RAB27A: variants seen among roughly 807,000 people sequenced by gnomAD.
The protein encoded by RAB27A is ras-related protein Rab-27A.
A neutral mutation model predicts 20.8 loss-of-function variants in RAB27A; 17 were observed. The ratio of observed to expected loss-of-function variants is 0.82; its 90% CI spans 0.56 to 1.23. RAB27A has a LOEUF of 1.23. Ranked by LOEUF, RAB27A falls within the 50% of genes most tolerant of loss-of-function variation. The pLI, the probability that RAB27A is intolerant of heterozygous loss-of-function variation, is 0.00. For missense variants in RAB27A, 277 were observed against 266.7 expected, an observed-to-expected ratio of 1.04 and a Z score of -0.27; for synonymous variants, 85 against 92.8, an observed-to-expected ratio of 0.92 and a Z score of 0.48.
intron 2 of RAB27A, among the ~76,000 whole-genome samples, chr15:55,254,428 G>GT (rs1313991217): frequency 6.6e-6 from 1 of 151,842 alleles, no homozygotes; most frequent in Non-Finnish European, 1.5e-5. Context: ...AGAAATAAAA[G>GT]TTTTTTATTT....
upstream of RAB27A, among the ~76,000 whole-genome samples, chr15:55,294,677 A>C (rs141459081): frequency 2.9e-4 from 44 of 152,116 alleles, no homozygotes; most frequent in African/African-American, 1.0e-3. Context: ...ATACACAAAA[A>C]TTAACTCAAA....
chr15:55,249,160 C>T (rs972582323), intron 2 of RAB27A: 1 of 152,164 alleles, frequency 6.6e-6, no homozygotes, highest in African/African-American at 2.4e-5. Context: ...TCTAACTCAG[C>T]CTGTCAGATT....
intron 5 of RAB27A, among the ~76,000 whole-genome samples, chr15:55,228,257 A>G (rs906816598): frequency 1.1e-4 from 17 of 152,196 alleles, no homozygotes; most frequent in African/African-American, 3.6e-4. Flanking sequence ...TTGATAGCAT[A>G]CAATAGACAA....
At chr15:55,243,094 A>C (rs1368910967) in intron 2 of RAB27A, among the ~76,000 whole-genome samples, 1 of 152,186 alleles carries the variant, frequency 6.6e-6, no homozygotes, top group Non-Finnish European at 1.5e-5. Context: ...TTCTGTGCTC[A>C]GAGTCCCTCT....
intron 1 of RAB27A, among the ~76,000 whole-genome samples, chr15:55,278,996 G>A (rs549040161): frequency 2.9e-4 from 44 of 152,264 alleles, no homozygotes; most frequent in Non-Finnish European, 5.6e-4. Context: ...CAGCCTGAAG[G>A]AAATTGCTCA....
intron 2 of RAB27A, among the ~76,000 whole-genome samples, chr15:55,253,820 C>G (rs1244510056): frequency 1.3e-5 from 2 of 151,186 alleles, no homozygotes; most frequent in Non-Finnish European, 2.9e-5. Context: ...AGCAAAGAGA[C>G]TATGAATCAG....
chr15:55,278,486 T>A (rs200491941), intron 1 of RAB27A, among the ~76,000 whole-genome samples: 48,509 of 145,356 alleles, frequency 0.33, 11,276 homozygotes, highest in East Asian at 0.67. Context: ...ATTATTATTT[T>A]TTTTTTTTTT....
intron 1 of RAB27A, among the ~76,000 whole-genome samples, chr15:55,314,721 C>G (rs1392367387): frequency 2.0e-5 from 3 of 152,096 alleles, no homozygotes; most frequent in Non-Finnish European, 4.4e-5. Context: ...TGTGAAGGAC[C>G]TCTTCAAGGA....
At chr15:55,300,368 C>G (rs2141141951) in intron 2 of RAB27A, among the ~76,000 whole-genome samples, 1 of 152,116 alleles carries the variant, frequency 6.6e-6, no homozygotes, top group East Asian at 1.9e-4. Context: ...ATACGGTATT[C>G]TGAAAGGAAA....
chr15:55,300,408 C>A (rs1022776915), intron 2 of RAB27A, among the ~76,000 whole-genome samples: 35 of 152,084 alleles, frequency 2.3e-4, no homozygotes. Flanking sequence ...GGCCAGGCTT[C>A]ATGGCTCACA....
At chr15:55,289,232 G>C (rs969205028) in intron 1 of RAB27A, 1 of 152,406 alleles carries the variant, frequency 6.6e-6, no homozygotes, top group Non-Finnish European at 1.5e-5. Context: ...CGGAGGGCCT[G>C]GCTGCCAGGT....
chr15:55,226,314 C>T (rs1350529022), intron 5 of RAB27A, among the ~76,000 whole-genome samples: 1 of 152,082 alleles, frequency 6.6e-6, no homozygotes, highest in Non-Finnish European at 1.5e-5. Context: ...CTGAGTGGGG[C>T]TTACTTTAGA....
intron 5 of RAB27A, 73 bp downstream of exon 5, chr15:55,228,536 G>A: frequency 8.8e-7 from 1 of 1,140,912 alleles, no homozygotes; most frequent in Non-Finnish European, 1.3e-6. Context: ...TGTCACAGAA[G>A]TAGAGCATAA....
chr15:55,253,785 AAC>A (rs1476281448), intron 2 of RAB27A, among the ~76,000 whole-genome samples: 1 of 152,154 alleles, frequency 6.6e-6, no homozygotes, highest in Non-Finnish European at 1.5e-5. Context: ...CAGATTTACT[AAC>A]ACAGAAATAA....
chr15:55,246,420 C>T (rs1595712054), intron 2 of RAB27A, among the ~76,000 whole-genome samples: 2 of 149,526 alleles, frequency 1.3e-5, no homozygotes, highest in South Asian at 2.1e-4. Context: ...GAGATATCGG[C>T]TTTTTTTTTT....
At chr15:55,294,734 G>A (rs2054940602), upstream of RAB27A, among the ~76,000 whole-genome samples, 3 of 151,396 alleles carry the variant, frequency 2.0e-5, no homozygotes, top group Admixed American at 6.6e-5. Context: ...AAAACTTTTA[G>A]AGGAAAACAT....
chr15:55,222,066 C>A (rs369415192), intron 6 of RAB27A, among the ~76,000 whole-genome samples: 40 of 152,322 alleles, frequency 2.6e-4, no homozygotes, highest in Non-Finnish European at 2.5e-4. Flanking sequence ...ATTGCATATG[C>A]TCAAATTCCT....
At chr15:55,262,804 C>T (rs181430012) in intron 2 of RAB27A, among the ~76,000 whole-genome samples, 1 of 152,098 alleles carries the variant, frequency 6.6e-6, no homozygotes, top group African/African-American at 2.4e-5. Flanking sequence ...ACCCACCTGC[C>T]TCAGCCTTCT....
At chr15:55,273,723 A>G (rs1228781843) in intron 1 of RAB27A, among the ~76,000 whole-genome samples, 1 of 152,200 alleles carries the variant, frequency 6.6e-6, no homozygotes, top group Non-Finnish European at 1.5e-5. Flanking sequence ...TAGGCACCCA[A>G]CATCAAAGCA....
Sources: gnomAD v4.1 joint callset for allele counts (sites outside exome capture counted in the v4.1 genomes callset) on GRCh38, gnomAD v4.1.1 for gene constraint, MANE v1.5 for transcripts, NCBI Gene and HGNC (gene_info 2026-07-23, HGNC 2026-07-21) for gene names.